Variants in HPS5 observed in about 807,000 individuals in gnomAD.
The protein encoded by HPS5 is HPS5 biogenesis of lysosomal organelles complex 2 subunit 2.
Under a neutral mutation model 128.0 loss-of-function variants are expected in HPS5, and 83 were observed. That is an observed-to-expected ratio of 0.65 (90% CI 0.54 to 0.78). The LOEUF (loss-of-function observed/expected upper bound fraction) is 0.78, where lower values mean the gene tolerates loss of function less well. HPS5 is among the 30% of genes least tolerant of loss of function. The probability of loss-of-function intolerance (pLI) is 0.00; values close to 1 mark genes in which losing one functional copy is unlikely to be tolerated. For synonymous variants in HPS5, 475 were observed against 470.2 expected (o/e 1.01, Z -0.13); for missense variants, 1,281 against 1,326.2 (o/e 0.97, Z 0.53).
At chr11:18,286,449 G>A in intron 19 of HPS5, 142 bp downstream of exon 19, 1 of 785,050 alleles carries the variant, frequency 1.3e-6, no homozygotes, top group Non-Finnish European at 2.1e-6. Context: ...AGGTTGAAGG[G>A]TTTAATCACC....
Position 18,281,992 on chromosome 11 carries a change from G to C in HPS5, c.3287C>G (p.Thr1096Ser). The C allele has an allele frequency of 6.2e-7, 1 of 1,614,162 alleles. No individual in the cohort carries two copies. The highest frequency in any genetic ancestry group is 8.5e-7 in the Non-Finnish European group (1 of 1,180,024). The change falls in exon 22 of 23, where the codon ACC (threonine) becomes AGC (serine). Residue 1096 changes from threonine to serine, a missense_variant. Transcript: ENST00000349215. ...GLALELSEKF[T>S]RTCDILRIAE... is the part of the protein sequence containing the mutation. ...AATCCTCAGGATATCGCAGGTTCTG[G>C]TAAACTTCTCTGACAACTCAAGGGC... is the stretch of plus-strand genomic sequence containing the variant.
chr11:18,312,171 C>A, intron 2 of HPS5, 147 bp from the exon 3 acceptor site: 1 of 676,340 alleles, frequency 1.5e-6, no homozygotes. Flanking sequence ...GACACTTATT[C>A]TCTAGTTCTA....
rs758098368 is a variant in HPS5, at chr11:18,282,169, T to C, written c.3110A>G (p.Gln1037Arg). Residue 1037 changes from glutamine (Q) to arginine (R), a missense_variant, in exon 22 of 23, where the codon CAG becomes CGG. Gln to Arg is a conservative substitution (Grantham distance 43). Coordinates refer to ENST00000349215, the MANE Select transcript of HPS5 (RefSeq NM_181507.2). ...GGGGGCTGGCCTCGTGCTCTTGCTC[T>C]GTATGAGATGAAGGAGAAGCTTCCA... ...EEWKLLLHLIQSKSTRPAPQE... is the reference protein window; with the variant it reads ...EEWKLLLHLIRSKSTRPAPQE... 6.2e-7 allele frequency: 1 copy of C among 1,614,218 alleles called. No homozygotes were observed. Among genetic ancestry groups the C allele is most frequent in the East Asian group, 2.2e-5 (1 of 44,888 alleles).
At chr11:18,320,241 T>G (rs887307808) in intron 1 of HPS5, among the ~76,000 whole-genome samples, 2 of 152,230 alleles carry the variant, frequency 1.3e-5, no homozygotes, top group Admixed American at 6.5e-5. Context: ...CTGAAATGAC[T>G]GCTTCCCTTC....
In HPS5 at chr11:18,306,193, T is replaced by TTA. The variant is rs1159708193; in HGVS notation, c.764_765dup (p.Ser256Ter). 6.2e-7 allele frequency: 1 copy of TTA among 1,613,984 alleles called. No homozygotes were observed. The highest frequency in any genetic ancestry group is 1.3e-5 in the African/African-American group (1 of 74,916). On this transcript the variant is annotated frameshift_variant, in exon 7 of 23. Coordinates refer to ENST00000349215, the MANE Select transcript of HPS5 (RefSeq NM_181507.2). LOFTEE classifies it high-confidence loss of function. ...AGGAGTTTCTTGAACTGATGTGTACTTATAACTTCTCCATCAAAGTTCACT... is the reference window on the plus strand; with the variant it reads ...AGGAGTTTCTTGAACTGATGTGTACTTATATAACTTCTCCATCAAAGTTCACT...
rs908565314 is a variant in HPS5 at position 18,291,342 on chromosome 11, T to C, written c.2440+100A>G. On this transcript the variant is annotated intron_variant, in intron 16 of 22. Coordinates refer to ENST00000349215, the MANE Select transcript of HPS5 (RefSeq NM_181507.2). ...AATAAAGGGTTGACCAGAACAGATG[T>C]GATTTTCTACTTAAATCTTTTTTTT... 88 of 762,246 alleles carry C rather than the reference T, an allele frequency of 1.2e-4. 1 individual carries two copies. The East Asian group carries it at 2.2e-3, about 19-fold the overall frequency. The allele number at this position is 762,246 out of a possible 1,614,324, so 47.2% of individuals were successfully genotyped here. A position where few individuals can be genotyped will look rare whatever the true frequency, so the allele number is the denominator to read the frequency against.
chr11:18,295,559 T>C (rs1213559008), intron 13 of HPS5, among the ~76,000 whole-genome samples: 1 of 152,174 alleles, frequency 6.6e-6, no homozygotes, highest in African/African-American at 2.4e-5. Context: ...TAAGCAAAAT[T>C]TGTATCCAGT....
intron 2 of HPS5, 56 bp from the exon 3 acceptor site, chr11:18,312,080 T>C: frequency 2.3e-6 from 3 of 1,309,122 alleles, no homozygotes; most frequent in Non-Finnish European, 3.3e-6. Context: ...CCAAATAGAC[T>C]ATCCACTGAA....
intron 2 of HPS5, among the ~76,000 whole-genome samples, chr11:18,316,674 G>A (rs1418619228): frequency 6.6e-6 from 1 of 152,226 alleles, no homozygotes; most frequent in African/African-American, 2.4e-5. Flanking sequence ...TTTGGGCCAA[G>A]GTTGAGGATG....
intron 12 of HPS5, 48 bp from the exon 13 acceptor site, chr11:18,296,170 G>T (rs114070433): frequency 2.4e-5 from 38 of 1,594,616 alleles, no homozygotes; most frequent in Non-Finnish European, 3.2e-5. Flanking sequence ...AATCACGTGG[G>T]AGTTGTTTTA....
Position 18,296,807 on chromosome 11 carries a change from C to T in HPS5, c.1501G>A (p.Gly501Arg), listed in dbSNP as rs143784823. Residue 501 changes from glycine to arginine, a missense_variant, in exon 12 of 23, where the codon GGA becomes AGA. Gly to Arg is a moderately radical substitution (Grantham distance 125, BLOSUM62 -2). Coordinates refer to ENST00000349215, the MANE Select transcript of HPS5 (RefSeq NM_181507.2). Reference sequence around the variant, plus strand: ...CAGACACATTCATCACCTTCATTTCCGTGTGAGCCACAACACTGATCTGGC... The same window carrying T: ...CAGACACATTCATCACCTTCATTTCTGTGTGAGCCACAACACTGATCTGGC... ...DLPDQCCGSH[G>R]NEDNVSHAPV... 3.4e-3 allele frequency: 5,418 copies of T among 1,613,972 alleles called. 36 individuals are homozygous for T. The highest frequency in any genetic ancestry group is 3.2e-3 in the Non-Finnish European group (3,751 of 1,179,884).
intron 1 of HPS5, among the ~76,000 whole-genome samples, chr11:18,320,027 T>TA (rs996758160): frequency 5.3e-5 from 8 of 151,840 alleles, no homozygotes; most frequent in African/African-American, 1.7e-4. Flanking sequence ...TTAATCTCGG[T>TA]AAAAAGAGAA....
intron 21 of HPS5, 107 bp downstream of exon 21, chr11:18,283,688 A>G (rs1859324770): frequency 7.8e-6 from 6 of 772,624 alleles, no homozygotes; most frequent in Middle Eastern, 2.3e-4. Context: ...GTGGAATCAC[A>G]TATTAAATAT....
rs1328291554 is a variant in HPS5 at position 18,291,457 on chromosome 11, T to C, written c.2425A>G (p.Ile809Val). ...SNSPSVWDTFIEGLKEMASSN... is the reference protein window; with the variant it reads ...SNSPSVWDTFVEGLKEMASSN... ...TGAGTATTACCTTTCAATCCTTCAATAAAAGTATCCCAAACAGAAGGGCTA... is the reference window on the plus strand; with the variant it reads ...TGAGTATTACCTTTCAATCCTTCAACAAAAGTATCCCAAACAGAAGGGCTA... The change falls in exon 16 of 23, where the codon ATT becomes GTT. Residue 809 changes from isoleucine (I) to valine (V), a missense_variant. Ile to Val is a conservative substitution (Grantham distance 29, BLOSUM62 3). Coordinates refer to ENST00000349215, the MANE Select transcript of HPS5 (RefSeq NM_181507.2). 6.2e-7 allele frequency: 1 copy of C among 1,603,724 alleles called. No individual in the cohort carries two copies. Among genetic ancestry groups the C allele is most frequent in the African/African-American group, 1.3e-5 (1 of 74,692 alleles).
intron 8 of HPS5, among the ~76,000 whole-genome samples, chr11:18,302,822 C>CAGGGGGGGGGGG (rs1241675493): frequency 6.2e-4 from 1 of 1,602 alleles, no homozygotes; most frequent in African/African-American, 2.7e-3. Context: ...AGAAAAAAAG[C>CAGGGGGGGGGGG]GGGGGGGGGG....
At chr11:18,311,846 T>C (rs773857860) in intron 3 of HPS5, 68 bp downstream of exon 3, 11 of 1,039,906 alleles carry the variant, frequency 1.1e-5, no homozygotes, top group Non-Finnish European at 1.7e-5. Context: ...TGATTATTTA[T>C]ATTGGAGAAA....
rs1363530329 is a variant in HPS5 at position 18,278,992 on chromosome 11, T to C, written c.*890A>G. On this transcript the variant is annotated 3_prime_UTR_variant, in exon 23 of 23. Transcript: ENST00000349215. Reference sequence around the variant, plus strand: ...CAGATAACACATTTCTAAGAATGAATTAGTCAGCTGTATATGGGTTCAGAT... The same window carrying C: ...CAGATAACACATTTCTAAGAATGAACTAGTCAGCTGTATATGGGTTCAGAT... The C allele has an allele frequency of 6.6e-6, 1 of 152,268 alleles. No homozygotes were observed. The highest frequency in any genetic ancestry group is 1.9e-4 in the East Asian group (1 of 5,202). The allele number at this position is 152,268 out of a possible 1,614,324, so 9.4% of individuals were successfully genotyped here. A position where few individuals can be genotyped will look rare whatever the true frequency, so the allele number is the denominator to read the frequency against.
At chr11:18,284,753 A>G (rs551492020) in intron 20 of HPS5, among the ~76,000 whole-genome samples, 1 of 152,242 alleles carries the variant, frequency 6.6e-6, no homozygotes, top group Non-Finnish European at 1.5e-5. Flanking sequence ...TGCTATCTCC[A>G]AAAGATTATA....
chr11:18,321,145 A>C (rs1424422400), intron 1 of HPS5, among the ~76,000 whole-genome samples: 1 of 151,878 alleles, frequency 6.6e-6, no homozygotes, highest in East Asian at 1.9e-4. Context: ...TTTCCACAAT[A>C]AAATTTAAAA....
Sources: gnomAD v4.1 joint callset for allele counts (sites outside exome capture counted in the v4.1 genomes callset) on GRCh38, gnomAD v4.1.1 for gene constraint, MANE v1.5 for transcripts, NCBI Gene and HGNC (gene_info 2026-07-23, HGNC 2026-07-21) for gene names.